Variants in PCCA observed in about 807,000 individuals in gnomAD.
The protein encoded by PCCA is propionyl-CoA carboxylase subunit alpha.
In PCCA, 74 loss-of-function variants were observed where a neutral mutation model predicts 101.3. The ratio of observed to expected loss-of-function variants is 0.73; its 90% confidence interval spans 0.61 to 0.89. The LOEUF (loss-of-function observed/expected upper bound fraction) is 0.89, where lower values mean the gene tolerates loss of function less well. PCCA is among the 40% of genes least tolerant of loss of function. The pLI is 0.00. For missense variants in PCCA, 891 were observed against 907.0 expected (o/e 0.98, Z 0.23); for synonymous variants, 294 against 313.6 (o/e 0.94, Z 0.66).
chr13:100,126,660 G>A (rs1164130406), intron 4 of PCCA, among the ~76,000 whole-genome samples: 3 of 152,108 alleles, frequency 2.0e-5, no homozygotes, highest in Non-Finnish European at 4.4e-5. Flanking sequence ...TGCTAGAAAT[G>A]TATGTATTTT....
At chr13:100,352,995 G>A (rs996382612) in intron 18 of PCCA, among the ~76,000 whole-genome samples, 5 of 152,218 alleles carry the variant, frequency 3.3e-5, no homozygotes, top group Admixed American at 1.3e-4. Context: ...GGGATTACAG[G>A]CATGAGCTGC....
At chr13:100,521,979 C>T (rs1250116894) in intron 22 of PCCA, among the ~76,000 whole-genome samples, 2 of 152,228 alleles carry the variant, frequency 1.3e-5, no homozygotes, top group Non-Finnish European at 2.9e-5. Flanking sequence ...CTTCCTCCCA[C>T]CCACCCTTCT....
intron 2 of PCCA, among the ~76,000 whole-genome samples, chr13:100,103,313 T>C (rs1470503139): frequency 5.3e-5 from 8 of 150,968 alleles, no homozygotes; most frequent in Non-Finnish European, 7.4e-5. Context: ...ATTTACTTAA[T>C]ACTTTTTTTT....
intron 12 of PCCA, among the ~76,000 whole-genome samples, chr13:100,275,550 C>T (rs1419991222): frequency 6.6e-6 from 1 of 152,090 alleles, no homozygotes; most frequent in African/African-American, 2.4e-5. Flanking sequence ...TTTTTCAGCC[C>T]AGTTTGATAT....
At chr13:100,143,032 A>G (rs2052083121) in intron 4 of PCCA, among the ~76,000 whole-genome samples, 1 of 152,106 alleles carries the variant, frequency 6.6e-6, no homozygotes, top group Non-Finnish European at 1.5e-5. Context: ...CTTCAATTCC[A>G]AGGAAGGTAG....
chr13:100,266,111 T>C (rs1280718189), intron 10 of PCCA, among the ~76,000 whole-genome samples: 1 of 152,230 alleles, frequency 6.6e-6, no homozygotes, highest in Non-Finnish European at 1.5e-5. Context: ...TGTCCTTCAC[T>C]GTATTCCCCA....
chr13:100,094,583 C>A (rs565196169), intron 1 of PCCA, among the ~76,000 whole-genome samples: 68 of 152,172 alleles, frequency 4.5e-4, no homozygotes, highest in African/African-American at 1.6e-3. Flanking sequence ...GTGGCATACT[C>A]TCTTTGGTAT....
intron 19 of PCCA, among the ~76,000 whole-genome samples, chr13:100,379,866 A>G (rs1358199345): frequency 3.3e-5 from 5 of 152,166 alleles, no homozygotes; most frequent in Non-Finnish European, 7.4e-5. Context: ...TCAAGATGCA[A>G]TTTGGGTGGG....
chr13:100,255,082 A>G (rs991819277), intron 8 of PCCA, among the ~76,000 whole-genome samples: 6 of 152,032 alleles, frequency 3.9e-5, no homozygotes, highest in African/African-American at 7.2e-5. Flanking sequence ...GAGACCAAAA[A>G]CAAAAAAGCT....
chr13:100,152,741 C>T (rs765427487), intron 4 of PCCA, among the ~76,000 whole-genome samples: 8 of 152,106 alleles, frequency 5.3e-5, no homozygotes, highest in African/African-American at 1.2e-4. Context: ...CCACCGCGCC[C>T]GGCCTAGTTC....
At chr13:100,527,055 C>T (rs1234751056) in intron 22 of PCCA, among the ~76,000 whole-genome samples, 1 of 151,654 alleles carries the variant, frequency 6.6e-6, no homozygotes, top group Non-Finnish European at 1.5e-5. Context: ...CCGAGCTGTT[C>T]CCAGTTCCCC....
chr13:100,270,089 G>A (rs2063207546), intron 11 of PCCA, among the ~76,000 whole-genome samples: 1 of 152,216 alleles, frequency 6.6e-6, no homozygotes, highest in Admixed American at 6.5e-5. Flanking sequence ...GAAGAACTGT[G>A]TAGCTTACAT....
intron 19 of PCCA, among the ~76,000 whole-genome samples, chr13:100,418,449 C>A (rs182236834): frequency 2.5e-4 from 38 of 152,336 alleles, no homozygotes; most frequent in Non-Finnish European, 1.0e-4. Context: ...GACACTACTT[C>A]TGAATGTCCC....
chr13:100,524,983 G>GGATGGATAGATAGATA (rs1555330339), intron 22 of PCCA, among the ~76,000 whole-genome samples: 54 of 137,274 alleles, frequency 3.9e-4, no homozygotes, highest in African/African-American at 1.2e-3. Flanking sequence ...TCTCTAAGAT[G>GGATGGATAGATAGATA]GATAGATAGA....
chr13:100,418,132 C>T (rs2078502820), intron 19 of PCCA, among the ~76,000 whole-genome samples: 1 of 152,190 alleles, frequency 6.6e-6, no homozygotes, highest in African/African-American at 2.4e-5. Flanking sequence ...CAATCCCTGG[C>T]CTGGCATTAT....
chr13:100,145,930 A>C (rs1455895526), intron 4 of PCCA, among the ~76,000 whole-genome samples: 1 of 149,922 alleles, frequency 6.7e-6, no homozygotes, highest in Non-Finnish European at 1.5e-5. Context: ...AACAAAACAA[A>C]AGATAGTTTT....
At chr13:100,468,490 A>C (rs760569853) in intron 21 of PCCA, among the ~76,000 whole-genome samples, 1 of 152,242 alleles carries the variant, frequency 6.6e-6, no homozygotes, top group Non-Finnish European at 1.5e-5. Flanking sequence ...GATCTTAACT[A>C]GACCTTCTGC....
At chr13:100,433,860 A>G (rs1028921847) in intron 20 of PCCA, among the ~76,000 whole-genome samples, 4 of 152,264 alleles carry the variant, frequency 2.6e-5, no homozygotes, top group Non-Finnish European at 2.9e-5. Context: ...AGAGAAAAGT[A>G]TAACTGATTT....
chr13:100,223,371 G>C (rs887352069), intron 7 of PCCA, among the ~76,000 whole-genome samples: 1 of 152,102 alleles, frequency 6.6e-6, no homozygotes, highest in African/African-American at 2.4e-5. Context: ...TCTTCCTTCT[G>C]GTGGGTTCGT....
Sources: allele counts gnomAD v4.1 joint callset (sites outside exome capture counted in the v4.1 genomes callset), GRCh38; gene constraint gnomAD v4.1.1; transcripts MANE v1.5; gene names NCBI Gene and HGNC (gene_info 2026-07-23, HGNC 2026-07-21).